DCAKD: variants seen among roughly 807,000 people sequenced by gnomAD.
DCAKD encodes dephospho-CoA kinase domain containing, also known as dephospho-CoA kinase domain-containing protein.
DCAKD carries 15 observed loss-of-function variants against 18.7 expected under a neutral mutation model. The observed-to-expected ratio is 0.80, with a 90% confidence interval of 0.54 to 1.24. The LOEUF is 1.24. Ranked by LOEUF, DCAKD falls within the 50% of genes most tolerant of loss-of-function variation. The pLI is 0.00. For missense variants in DCAKD, 301 were observed against 322.0 expected, an observed-to-expected ratio of 0.93 and a Z score of 0.50; for synonymous variants, 130 against 133.0, an observed-to-expected ratio of 0.98 and a Z score of 0.16.
chr17:45,040,747 G>A (rs1567842229), intron 1 of DCAKD, among the ~76,000 whole-genome samples: 1 of 152,186 alleles, frequency 6.6e-6, no homozygotes, highest in African/African-American at 2.4e-5. Flanking sequence ...GGTTAGAGCT[G>A]GTGCCTGCGC....
chr17:45,055,684 C>T (rs1179359879), upstream of DCAKD, among the ~76,000 whole-genome samples: 3 of 152,176 alleles, frequency 2.0e-5, no homozygotes, highest in East Asian at 5.8e-4. Flanking sequence ...CCATGTCCCC[C>T]CAGGATCTCC....
chr17:45,061,121 C>T (rs2053846774), upstream of DCAKD: 3 of 1,349,604 alleles, frequency 2.2e-6, no homozygotes, highest in Admixed American at 1.1e-4. Flanking sequence ...CCTAGGCTTC[C>T]GGGTATCAGT....
chr17:45,048,504 G>A (rs947449448), intron 1 of DCAKD, among the ~76,000 whole-genome samples: 1 of 152,182 alleles, frequency 6.6e-6, no homozygotes, highest in African/African-American at 2.4e-5. Context: ...AGGCATGGTG[G>A]TACATGCCCA....
At chr17:45,036,254 C>G (rs1259804079) in intron 1 of DCAKD, among the ~76,000 whole-genome samples, 1 of 152,216 alleles carries the variant, frequency 6.6e-6, no homozygotes, top group Non-Finnish European at 1.5e-5. Context: ...TAGTGGCTCA[C>G]GCCTGTAATC....
upstream of DCAKD, among the ~76,000 whole-genome samples, chr17:45,052,724 CA>C (rs1209302619): frequency 6.6e-6 from 1 of 151,836 alleles, no homozygotes; most frequent in African/African-American, 2.4e-5. Flanking sequence ...ACAAACTAGC[CA>C]GGCATGGTGA....
At chr17:45,030,947 G>A (rs1041910120) in intron 3 of DCAKD, 1 of 983,476 alleles carries the variant, frequency 1.0e-6, no homozygotes, top group Non-Finnish European at 1.2e-6. Flanking sequence ...CACCCACTGT[G>A]AGTGAGCACA....
chr17:45,036,600 T>G (rs981514370), intron 1 of DCAKD, among the ~76,000 whole-genome samples: 10 of 151,104 alleles, frequency 6.6e-5, no homozygotes, highest in African/African-American at 2.4e-4. Context: ...AAAATGGAAG[T>G]GAGGATAGTG....
At chr17:45,039,003 G>C (rs1332496810) in intron 1 of DCAKD, among the ~76,000 whole-genome samples, 1 of 152,238 alleles carries the variant, frequency 6.6e-6, no homozygotes, top group Non-Finnish European at 1.5e-5. Context: ...TGGAGAGCTA[G>C]ATAGTACCAG....
upstream of DCAKD, among the ~76,000 whole-genome samples, chr17:45,052,836 C>T (rs1052786844): frequency 6.6e-6 from 1 of 151,762 alleles, no homozygotes; most frequent in Non-Finnish European, 1.5e-5. Flanking sequence ...GCACTCCAGC[C>T]TGGGCAACAA....
At chr17:45,031,015 G>T (rs2053162089) in intron 3 of DCAKD, 1 of 985,310 alleles carries the variant, frequency 1.0e-6, no homozygotes, top group Non-Finnish European at 1.2e-6. Context: ...TGACCCCTGT[G>T]CATGTGTACA....
chr17:45,028,106 T>G (rs1342684977), intron 4 of DCAKD, among the ~76,000 whole-genome samples: 1 of 150,916 alleles, frequency 6.6e-6, no homozygotes, highest in Non-Finnish European at 1.5e-5. Context: ...ATCTACACTC[T>G]AAGATCCTTT....
At chr17:45,055,735 GT>G (rs2053772446), upstream of DCAKD, among the ~76,000 whole-genome samples, 1 of 152,180 alleles carries the variant, frequency 6.6e-6, no homozygotes, top group South Asian at 2.1e-4. Flanking sequence ...CTTAGGCACT[GT>G]GCTAGAACTG....
At chr17:45,044,884 G>A (rs949422613) in intron 1 of DCAKD, among the ~76,000 whole-genome samples, 1 of 152,198 alleles carries the variant, frequency 6.6e-6, no homozygotes, top group African/African-American at 2.4e-5. Context: ...CTTCCTTACA[G>A]AGTGGGCTGC....
intron 1 of DCAKD, among the ~76,000 whole-genome samples, chr17:45,039,181 G>A (rs1416578734): frequency 2.0e-5 from 3 of 152,136 alleles, no homozygotes; most frequent in South Asian, 2.1e-4. Flanking sequence ...AGCTCAGCAA[G>A]GAGGAAATAG....
upstream of DCAKD, among the ~76,000 whole-genome samples, chr17:45,053,644 A>C (rs182835200): frequency 1.7e-3 from 254 of 152,212 alleles, 1 homozygote; most frequent in African/African-American, 5.8e-3. Flanking sequence ...TGGTCTGGAA[A>C]TCCTGACCTA....
rs747800678 is a variant in DCAKD, at chr17:45,024,494, C to T, written c.635G>A (p.Gly212Glu). The T allele has an allele frequency of 6.2e-7, 1 of 1,613,834 alleles. No individual in the cohort carries two copies. Among genetic ancestry groups the T allele is most frequent in the South Asian group, 1.1e-5 (1 of 91,076 alleles). ...GAGGAGGCTGGCAATGGCAGCGAGCCCTGTGAGGACCCCAAACCTCAGCGG... is the reference window on the plus strand; with the variant it reads ...GAGGAGGCTGGCAATGGCAGCGAGCTCTGTGAGGACCCCAAACCTCAGCGG... ...YLPLRFGVLT[G>E]LAAIASLLYL... Residue 212 changes from glycine to glutamate, a missense_variant, in exon 5 of 5, where the codon GGG becomes GAG. Coordinates refer to ENST00000651974, the MANE Select transcript of DCAKD (RefSeq NM_001288655.2).
chr17:45,025,102 C>G (rs1190843149), intron 4 of DCAKD, among the ~76,000 whole-genome samples: 2 of 150,648 alleles, frequency 1.3e-5, no homozygotes, highest in African/African-American at 2.5e-5. Context: ...ATTTCATCAC[C>G]TGGAACCAGC....
rs779821410 is a variant in DCAKD, at chr17:45,023,392, G to A, written c.*1041C>T. ...ACACACTTTATTAAACACCAACAGC[G>A]GGCCAGGCTCTGCACTAAGAACACA... On this transcript the variant is annotated 3_prime_UTR_variant, in exon 5 of 5. Coordinates refer to ENST00000651974, the MANE Select transcript of DCAKD (RefSeq NM_001288655.2). The A allele has an allele frequency of 7.2e-5, 11 of 152,238 alleles. No individual in the cohort carries two copies. The highest frequency in any genetic ancestry group is 1.0e-4 in the Non-Finnish European group (7 of 68,022). The allele number at this position is 152,238 out of a possible 1,614,324, so 9.4% of individuals were successfully genotyped here. A position where few individuals can be genotyped will look rare whatever the true frequency, so the allele number is the denominator to read the frequency against.
intron 1 of DCAKD, among the ~76,000 whole-genome samples, chr17:45,035,458 G>C (rs1184634452): frequency 6.7e-6 from 1 of 149,598 alleles, no homozygotes; most frequent in Non-Finnish European, 1.5e-5. Context: ...TGCAGCCGTG[G>C]GTGACAGAAC....
Sources: allele counts gnomAD v4.1 joint callset (sites outside exome capture counted in the v4.1 genomes callset), GRCh38; gene constraint gnomAD v4.1.1; transcripts MANE v1.5; gene names NCBI Gene and HGNC (gene_info 2026-07-23, HGNC 2026-07-21).